The following PEX5L variants were observed in gnomAD, a reference collection of about 807,000 sequenced individuals.
PEX5L encodes peroxisomal biogenesis factor 5 like.
Under a neutral mutation model 84.0 loss-of-function variants are expected in PEX5L, and 30 were observed. The observed-to-expected ratio is 0.36, with a 90% CI of 0.27 to 0.48. The LOEUF is 0.48. Among genes scored for constraint, PEX5L ranks in the 20% least tolerant of loss-of-function variants. PEX5L has a pLI of 0.99. For missense variants in PEX5L, 533 were observed against 754.6 expected (o/e 0.71, Z 3.44); for synonymous variants, 270 against 283.1 (o/e 0.95, Z 0.46).
At chr3:179,977,648 A>C (rs1231030074) in intron 1 of PEX5L, among the ~76,000 whole-genome samples, 1 of 152,226 alleles carries the variant, frequency 6.6e-6, no homozygotes, top group Non-Finnish European at 1.5e-5. Flanking sequence ...ATCGCCTTTC[A>C]AGGACGTAAG....
At chr3:179,815,822 G>T in intron 10 of PEX5L, 39 bp downstream of exon 10, 1 of 1,608,208 alleles carries the variant, frequency 6.2e-7, no homozygotes, top group Non-Finnish European at 8.5e-7. Flanking sequence ...GTTAGCACAT[G>T]CCCTTTCTGA....
rs899232769 is a variant in PEX5L at position 179,797,206 on chromosome 3, T to C, written c.*4622A>G. The C allele has an allele frequency of 6.6e-6, 1 of 152,214 alleles. No homozygotes were observed. Among genetic ancestry groups the C allele is most frequent in the Admixed American group, 6.5e-5 (1 of 15,282 alleles). The allele number at this position is 152,214 out of a possible 1,614,324, so 9.4% of individuals were successfully genotyped here. On this transcript the variant is annotated 3_prime_UTR_variant, in exon 15 of 15. Transcript: ENST00000467460. ...TGGTTTTTGAAAAAGTGTTTAGATG[T>C]CCCAGATTCTTCAGAGGATTAGTTT...
intron 8 of PEX5L, among the ~76,000 whole-genome samples, chr3:179,841,943 G>A (rs1737475661): frequency 6.6e-6 from 1 of 152,154 alleles, no homozygotes; most frequent in Non-Finnish European, 1.5e-5. Context: ...GAGATAAATA[G>A]CACACAGCAT....
intron 8 of PEX5L, among the ~76,000 whole-genome samples, chr3:179,848,911 G>A (rs1740690533): frequency 6.6e-6 from 1 of 152,186 alleles, no homozygotes; most frequent in Non-Finnish European, 1.5e-5. Context: ...GCCTCCTCAA[G>A]CTCTTTCTTC....
intron 8 of PEX5L, among the ~76,000 whole-genome samples, chr3:179,849,788 C>T (rs941572439): frequency 1.3e-5 from 2 of 152,114 alleles, no homozygotes; most frequent in Non-Finnish European, 1.5e-5. Context: ...TTTATTTGCT[C>T]GGTTAGTATG....
chr3:179,857,185 G>A (rs1336785897), intron 8 of PEX5L, among the ~76,000 whole-genome samples: 2 of 152,162 alleles, frequency 1.3e-5, no homozygotes, highest in African/African-American at 4.8e-5. Flanking sequence ...TATAACTTTA[G>A]TGACAAGTTG....
intron 2 of PEX5L, among the ~76,000 whole-genome samples, chr3:179,932,850 T>G (rs1486722793): frequency 6.6e-6 from 1 of 152,202 alleles, no homozygotes; most frequent in African/African-American, 2.4e-5. Flanking sequence ...ACCTCATATA[T>G]TAGCAATTTT....
chr3:179,811,813 A>T lies in PEX5L; in HGVS notation c.1142T>A (p.Val381Asp), dbSNP rs1723987327. 1.2e-6 allele frequency: 2 copies of T among 1,613,704 alleles called. No homozygotes were observed. Among genetic ancestry groups the T allele is most frequent in the South Asian group, 2.2e-5 (2 of 91,088 alleles). ...AENENEQAAI[V>D]ALQRCLELQP... Reference sequence around the variant, plus strand: ...TAGCTTCCTTTACCTCTGGAGGGCGACAATAGCTGCTTGTTCATTTTCATT... The same window carrying T: ...TAGCTTCCTTTACCTCTGGAGGGCGTCAATAGCTGCTTGTTCATTTTCATT... Residue 381 changes from valine to aspartate, a missense_variant, in exon 11 of 15, where the codon GTC becomes GAC. Coordinates refer to ENST00000467460, the MANE Select transcript of PEX5L (RefSeq NM_016559.3).
intron 1 of PEX5L, chr3:179,974,178 A>G (rs1424549717): frequency 2.0e-6 from 2 of 985,454 alleles, no homozygotes; most frequent in Non-Finnish European, 2.4e-6. Context: ...AAGCAAGTCC[A>G]CAGCTTCTGC....
chr3:179,854,489 C>T (rs1451918523), intron 8 of PEX5L, among the ~76,000 whole-genome samples: 1 of 152,124 alleles, frequency 6.6e-6, no homozygotes, highest in African/African-American at 2.4e-5. Flanking sequence ...ATAAATGTGT[C>T]TCTCTGACTG....
intron 2 of PEX5L, among the ~76,000 whole-genome samples, chr3:179,943,312 C>T (rs1195158966): frequency 6.6e-6 from 1 of 152,210 alleles, no homozygotes; most frequent in Admixed American, 6.5e-5. Context: ...TCTCTTAGCA[C>T]AGAGATTCTT....
In PEX5L at chr3:179,895,291, C is replaced by G. The variant is rs144589165; in HGVS notation, c.198+2851G>C. Among the ~76,000 whole-genome samples, 1,073 of 152,088 alleles carry G rather than the reference C, an allele frequency of 7.1e-3. 17 individuals carry two copies. The Middle Eastern group carries it at 0.11, about 15-fold the overall frequency. ...TCTGGTGTGTATTTTATACTTGCAG[C>G]ACATCTCAGTTTGGAGCAGCCACGG... On this transcript the variant is annotated intron_variant, in intron 3 of 14. Transcript: ENST00000467460.
intron 1 of PEX5L, among the ~76,000 whole-genome samples, chr3:179,978,824 C>T (rs1353071240): frequency 5.3e-5 from 8 of 152,156 alleles, no homozygotes; most frequent in African/African-American, 1.7e-4. Flanking sequence ...CTGATCAAAG[C>T]GTTAGGATTT....
chr3:179,884,376 A>G (rs1358157920), intron 4 of PEX5L, among the ~76,000 whole-genome samples: 1 of 152,210 alleles, frequency 6.6e-6, no homozygotes, highest in African/African-American at 2.4e-5. Flanking sequence ...CATGGAGACC[A>G]ATGTGAGAGA....
intron 12 of PEX5L, among the ~76,000 whole-genome samples, chr3:179,809,237 G>A (rs530421333): frequency 1.3e-5 from 2 of 152,134 alleles, no homozygotes; most frequent in East Asian, 3.9e-4. Flanking sequence ...ACTTTAAAAT[G>A]TGGCACTCAG....
In PEX5L at chr3:179,801,573, G is replaced by C. The variant is rs1197495508; in HGVS notation, c.*255C>G. ...TTGTGGAAAGAGTATTCAACACACA[G>C]TTACTTTATCTTGGTTTGTCTTGAG... On this transcript the variant is annotated 3_prime_UTR_variant, in exon 15 of 15. Coordinates refer to ENST00000467460, the MANE Select transcript of PEX5L (RefSeq NM_016559.3). 10 of 440,216 alleles carry C rather than the reference G, an allele frequency of 2.3e-5. No homozygotes were observed. Among genetic ancestry groups the C allele is most frequent in the Non-Finnish European group, 4.1e-5 (10 of 245,560 alleles). The allele number at this position is 440,216 out of a possible 1,614,324, so 27.3% of individuals were successfully genotyped here.
chr3:179,977,813 T>G (rs1218694394), intron 1 of PEX5L, among the ~76,000 whole-genome samples: 1 of 152,222 alleles, frequency 6.6e-6, no homozygotes, highest in East Asian at 1.9e-4. Flanking sequence ...TGGTTAAGTC[T>G]GGCATTTTTT....
At chr3:179,893,640 T>C (rs983131186) in intron 3 of PEX5L, among the ~76,000 whole-genome samples, 1 of 152,168 alleles carries the variant, frequency 6.6e-6, no homozygotes, top group Non-Finnish European at 1.5e-5. Context: ...CATTATTCTG[T>C]AGTTTCACAT....
chr3:179,805,758 T>C (rs1245094379), intron 14 of PEX5L, among the ~76,000 whole-genome samples: 1 of 152,158 alleles, frequency 6.6e-6, no homozygotes, highest in Non-Finnish European at 1.5e-5. Context: ...TGTTCCAGTA[T>C]GGGAGACTTT....
Sources: allele counts gnomAD v4.1 joint callset (sites outside exome capture counted in the v4.1 genomes callset), GRCh38; gene constraint gnomAD v4.1.1; transcripts MANE v1.5; gene names NCBI Gene and HGNC (gene_info 2026-07-23, HGNC 2026-07-21).